Variants in EMILIN1 observed in about 807,000 individuals in gnomAD.
EMILIN1 encodes the protein elastin microfibril interfacer 1.
A neutral mutation model predicts 82.4 loss-of-function variants in EMILIN1; 49 were observed. That is an observed-to-expected ratio of 0.59 (90% CI 0.47 to 0.75). The LOEUF is 0.75. Ranked by LOEUF, EMILIN1 falls within the 30% of genes least tolerant of loss-of-function variation. The probability of loss-of-function intolerance (pLI) is 0.00; values close to 1 mark genes in which losing one functional copy is unlikely to be tolerated. For synonymous variants in EMILIN1, 604 were observed against 602.2 expected, an observed-to-expected ratio of 1.00 and a Z score of -0.04; for missense variants, 1,313 against 1,366.4, an observed-to-expected ratio of 0.96 and a Z score of 0.62.
In EMILIN1 at chr2:27,083,131, G is replaced by C. The variant is rs373844330; in HGVS notation, c.1560G>C (p.Thr520=). The change falls in exon 4 of 8, where the codon ACG becomes ACC. Residue 520 remains threonine, a synonymous_variant. Transcript: ENST00000380320. The part of the protein sequence containing the change: ...QLRLVGSGLH[T]VEAAGEARQA... Reference sequence around the variant, plus strand: ...GGCTGGTGGGCTCCGGCCTGCACACGGTGGAAGCAGCGGGGGAGGCCCGGC... The same window carrying C: ...GGCTGGTGGGCTCCGGCCTGCACACCGTGGAAGCAGCGGGGGAGGCCCGGC... 124 of 1,586,050 alleles carry C rather than the reference G, an allele frequency of 7.8e-5. No homozygotes were observed. Among genetic ancestry groups the C allele is most frequent in the Non-Finnish European group, 5.1e-5 (59 of 1,164,872 alleles).
chr2:27,078,928 C>T lies in EMILIN1; in HGVS notation c.-138C>T, dbSNP rs974585715. 32 of 600,004 alleles carry T rather than the reference C, an allele frequency of 5.3e-5. No individual in the cohort carries two copies. The highest frequency in any genetic ancestry group is 4.5e-4 in the Middle Eastern group (1 of 2,244). 37.2% of individuals were successfully genotyped at this position (600,004 alleles called of 1,614,324 possible). On this transcript the variant is annotated 5_prime_UTR_variant, in exon 1 of 8. Coordinates refer to ENST00000380320, the MANE Select transcript of EMILIN1 (RefSeq NM_007046.4). ...GGCAGCCAAGGAGAAGACGTGTGGC[C>T]GGGGGCTATCAGAAGGAAACTGGGA...
Position 27,082,257 on chromosome 2 carries a change from C to T in EMILIN1, c.686C>T (p.Ala229Val). ...AGGCAGCAGCCAGCTGACGCGGCTG[C>T]CCGCCCTGGGGTGCATGAAACCCTC... Reference protein sequence around the residue: ...NGRQQPADAAARPGVHETLNE... With the variant: ...NGRQQPADAAVRPGVHETLNE... The change falls in exon 4 of 8, where the codon GCC becomes GTC. Residue 229 changes from alanine (A) to valine (V), a missense_variant. Ala to Val is a moderately conservative substitution (Grantham distance 64, BLOSUM62 0). Transcript: ENST00000380320. 6.2e-7 allele frequency: 1 copy of T among 1,613,222 alleles called. No individual in the cohort carries two copies. Among genetic ancestry groups the T allele is most frequent in the Non-Finnish European group, 8.5e-7 (1 of 1,179,936 alleles).
intron 5 of EMILIN1, 79 bp from the exon 6 acceptor site, chr2:27,084,912 G>C: frequency 7.3e-7 from 1 of 1,370,656 alleles, no homozygotes; most frequent in South Asian, 1.2e-5. Flanking sequence ...AGCACAACAG[G>C]AGAGCCTCAG....
intron 3 of EMILIN1, 63 bp downstream of exon 3, chr2:27,081,015 T>G (rs1370569873): frequency 7.7e-7 from 1 of 1,296,898 alleles, no homozygotes; most frequent in African/African-American, 1.5e-5. Flanking sequence ...CAATGGGAAA[T>G]GTGGGGCCAG....
In EMILIN1 at chr2:27,080,875, G is replaced by A. The variant is rs564957235; in HGVS notation, c.434G>A (p.Arg145Gln). ...CTGGGGCCTGCGTCTTCCACACCAC[G>A]GCCCCTGGCCCGGCCTGCCCGCCCC... ...PALGPASSTP[R>Q]PLARPARPNL... Residue 145 changes from arginine (R) to glutamine (Q), a missense_variant, in exon 3 of 8, where the codon CGG becomes CAG. By Grantham distance (43) the Arg-to-Gln change is conservative. Transcript: ENST00000380320. The A allele has an allele frequency of 3.7e-6, 6 of 1,609,652 alleles. No homozygotes were observed. The highest frequency in any genetic ancestry group is 2.2e-5 in the East Asian group (1 of 44,730).
Position 27,082,792 on chromosome 2 carries a change from G to A in EMILIN1, c.1221G>A (p.Leu407=), listed in dbSNP as rs958333139. 3.2e-6 allele frequency: 5 copies of A among 1,547,634 alleles called. No homozygotes were observed. Among genetic ancestry groups the A allele is most frequent in the Admixed American group, 1.9e-5 (1 of 51,658 alleles). ...GCTACACCAGCTTGGCCTCCCGCCT[G>A]TCTCGCCTGGAGGACCGCTTCAACT... The part of the protein sequence containing the change: ...PPGYTSLASR[L]SRLEDRFNST... Residue 407 remains leucine (L), a synonymous_variant, in exon 4 of 8, where the codon CTG becomes CTA. Transcript: ENST00000380320.
Position 27,080,250 on chromosome 2 carries a change from C to T in EMILIN1, c.270C>T (p.Pro90=). The part of the protein sequence containing the change: ...VKYQPCAWGQ[P]QCPQSIMYRR... ...ACCAGCCTTGTGCCTGGGGCCAGCC[C>T]CAGTGTCCCCAAAGCATCATGTGAG... Residue 90 remains proline, a synonymous_variant, in exon 2 of 8, where the codon CCC becomes CCT. Coordinates refer to ENST00000380320, the MANE Select transcript of EMILIN1 (RefSeq NM_007046.4). 2 of 1,614,074 alleles carry T rather than the reference C, an allele frequency of 1.2e-6. No homozygotes were observed. The highest frequency in any genetic ancestry group is 1.7e-6 in the Non-Finnish European group (2 of 1,179,934).
Position 27,084,876 on chromosome 2 carries a change from C to G in EMILIN1, c.2558-115C>G, listed in dbSNP as rs1008778903. 7 of 989,156 alleles carry G rather than the reference C, an allele frequency of 7.1e-6. No homozygotes were observed. The Admixed American group carries it at 1.2e-4, about 17-fold the overall frequency. 61.3% of individuals were successfully genotyped at this position (989,156 alleles called of 1,614,324 possible). On this transcript the variant is annotated intron_variant, in intron 5 of 7. Coordinates refer to ENST00000380320, the MANE Select transcript of EMILIN1 (RefSeq NM_007046.4). ...TCCTGTTTTTCTTGATACCCCAATT[C>G]CTGCTTTGAAGTCCACGTAGCACCG...
At position 27,082,861 on chromosome 2, in the gene EMILIN1, G is replaced by C. The variant is rs757174626; in HGVS notation, c.1290G>C (p.Gly430=). ...PSEEQEESWP[G]APGGLSHWLP... is the part of the protein sequence containing the mutation. ...AGGAGCAGGAGGAGAGCTGGCCTGGGGCTCCTGGGGGGCTGAGCCACTGGC... is the reference window on the plus strand; with the variant it reads ...AGGAGCAGGAGGAGAGCTGGCCTGGCGCTCCTGGGGGGCTGAGCCACTGGC... The change falls in exon 4 of 8, where the codon GGG becomes GGC. Residue 430 remains glycine (G), a synonymous_variant. Coordinates refer to ENST00000380320, the MANE Select transcript of EMILIN1 (RefSeq NM_007046.4). The C allele has an allele frequency of 3.2e-6, 5 of 1,587,032 alleles. No individual in the cohort carries two copies. The South Asian group carries it at 5.6e-5, about 18-fold the overall frequency.
Position 27,081,969 on chromosome 2 carries a change from C to T in EMILIN1, c.512-114C>T, listed in dbSNP as rs1237716716. ...TTTTTTTTTCTCTTGCCAAAATCAC[C>T]CAAAGGAGAGGCAGAGCCAGCCTGG... On this transcript the variant is annotated intron_variant, in intron 3 of 7. Coordinates refer to ENST00000380320, the MANE Select transcript of EMILIN1 (RefSeq NM_007046.4). 1.1e-5 allele frequency: 14 copies of T among 1,326,814 alleles called. No homozygotes were observed. The African/African-American group carries it at 1.5e-4, about 14-fold the overall frequency. The allele number at this position is 1,326,814 out of a possible 1,614,324, so 82.2% of individuals were successfully genotyped here.
chr2:27,085,649 GC>G (rs1558436196), intron 7 of EMILIN1, 28 bp from the exon 8 acceptor site: 2 of 1,565,524 alleles, frequency 1.3e-6, no homozygotes, highest in Non-Finnish European at 8.7e-7. Flanking sequence ...AGCTTCCCTG[GC>G]CCCCCTGACT....
chr2:27,079,624 C>T (rs766836576), intron 1 of EMILIN1, among the ~76,000 whole-genome samples: 6 of 152,236 alleles, frequency 3.9e-5, no homozygotes, highest in Admixed American at 2.0e-4. Context: ...CCCTCCAGCC[C>T]TCCAGCCAGA....
At chr2:27,079,441 G>A (rs1669437943) in intron 1 of EMILIN1, among the ~76,000 whole-genome samples, 1 of 152,112 alleles carries the variant, frequency 6.6e-6, no homozygotes, top group Non-Finnish European at 1.5e-5. Context: ...TCACCTAGGG[G>A]GTCCGCTCCC....
At chr2:27,085,654 C>T (rs956960993) in intron 7 of EMILIN1, 24 bp from the exon 8 acceptor site, 1 of 1,573,956 alleles carries the variant, frequency 6.4e-7, no homozygotes, top group Non-Finnish European at 8.7e-7. Context: ...CCCTGGCCCC[C>T]CTGACTGCTA....
In EMILIN1 at chr2:27,082,127, C is replaced by A; in HGVS notation, c.556C>A (p.Gln186Lys). The A allele has an allele frequency of 6.2e-7, 1 of 1,613,666 alleles. No individual in the cohort carries two copies. The highest frequency in any genetic ancestry group is 1.1e-5 in the South Asian group (1 of 91,072). ...EKVQQLEEQV[Q>K]SLTKELQGLR... ...GGTGCAGCAGCTGGAGGAACAGGTG[C>A]AGAGCCTGACCAAGGAGCTGCAAGG... Residue 186 changes from glutamine to lysine, a missense_variant, in exon 4 of 8, where the codon CAG becomes AAG. Coordinates refer to ENST00000380320, the MANE Select transcript of EMILIN1 (RefSeq NM_007046.4).
Position 27,083,006 on chromosome 2 carries a change from G to A in EMILIN1, c.1435G>A (p.Gly479Arg), listed in dbSNP as rs1357888712. 1.4e-5 allele frequency: 22 copies of A among 1,563,174 alleles called. No homozygotes were observed. The highest frequency in any genetic ancestry group is 5.5e-5 in the Admixed American group (3 of 54,740). ...GGTGGCAGGGGCCATGCAGGCATGC[G>A]GGCAGCTCTGCTCTGGGGCCCCTGG... ...EQVAGAMQAC[G>R]QLCSGAPGEQ... The change falls in exon 4 of 8, where the codon GGG (glycine) becomes AGG (arginine). Residue 479 changes from glycine (G) to arginine (R), a missense_variant. Coordinates refer to ENST00000380320, the MANE Select transcript of EMILIN1 (RefSeq NM_007046.4).
rs1422767895 is a variant in EMILIN1 at position 27,083,915 on chromosome 2, G to C, written c.2344G>C (p.Gly782Arg). 9.3e-6 allele frequency: 15 copies of C among 1,606,536 alleles called. No individual in the cohort carries two copies. Among genetic ancestry groups the C allele is most frequent in the Non-Finnish European group, 1.3e-5 (15 of 1,175,430 alleles). ...AGCCCTGCTGGAGAAGCTGGTCGGG[G>C]GACAGGCGGGCCTGGGCAGGCGGCT... ...QAALLEKLVG[G>R]QAGLGRRLGA... The change falls in exon 4 of 8, where the codon GGA becomes CGA. Residue 782 changes from glycine (G) to arginine (R), a missense_variant. Coordinates refer to ENST00000380320, the MANE Select transcript of EMILIN1 (RefSeq NM_007046.4).
chr2:27,084,863 T>C (rs1003208841), intron 5 of EMILIN1, 128 bp from the exon 6 acceptor site: 11 of 893,174 alleles, frequency 1.2e-5, no homozygotes, highest in Non-Finnish European at 2.1e-5. Context: ...CTGTTTTTCT[T>C]GATACCCCAA....
intron 6 of EMILIN1, 46 bp downstream of exon 6, chr2:27,085,054 TGGA>T (rs2148320685): frequency 1.2e-6 from 2 of 1,613,120 alleles, no homozygotes; most frequent in East Asian, 2.2e-5. Context: ...GACTAGGGGT[TGGA>T]GGATAGAGGT....
Sources: allele counts gnomAD v4.1 joint callset (sites outside exome capture counted in the v4.1 genomes callset), GRCh38; gene constraint gnomAD v4.1.1; transcripts MANE v1.5; gene names NCBI Gene and HGNC (gene_info 2026-07-23, HGNC 2026-07-21).